Variants in NFIA observed in about 807,000 individuals in gnomAD.
NFIA encodes the protein nuclear factor 1 A-type.
A neutral mutation model predicts 62.8 loss-of-function variants in NFIA; 8 were observed. That is an observed-to-expected ratio of 0.13 (90% CI 0.07 to 0.23). The LOEUF (loss-of-function observed/expected upper bound fraction) is 0.23. NFIA is among the 10% of genes least tolerant of loss of function. The pLI is 1.00. For synonymous variants in NFIA, 235 were observed against 238.1 expected, an observed-to-expected ratio of 0.99 and a Z score of 0.12; for missense variants, 410 against 642.1, an observed-to-expected ratio of 0.64 and a Z score of 3.91.
intron 3 of NFIA, among the ~76,000 whole-genome samples, chr1:61,303,434 G>C (rs957812286): frequency 3.3e-5 from 5 of 152,164 alleles, no homozygotes; most frequent in African/African-American, 1.2e-4. Flanking sequence ...GAAAGAAAGA[G>C]GAATAGGGAG....
intron 3 of NFIA, among the ~76,000 whole-genome samples, chr1:61,298,367 AAAAT>A (rs1659307218): frequency 1.3e-5 from 2 of 152,138 alleles, no homozygotes; most frequent in Admixed American, 6.6e-5. Flanking sequence ...AAAAATAAAT[AAAAT>A]AAGTTACCCA....
intron 2 of NFIA, among the ~76,000 whole-genome samples, chr1:61,250,355 T>C (rs1020129418): frequency 6.6e-6 from 1 of 152,214 alleles, no homozygotes. Flanking sequence ...TCACTTTAGA[T>C]TGGAAGACCT....
At chr1:61,149,023 C>T (rs992525270) in intron 2 of NFIA, among the ~76,000 whole-genome samples, 1 of 150,886 alleles carries the variant, frequency 6.6e-6, no homozygotes, top group African/African-American at 2.4e-5. Context: ...GCCACCATGC[C>T]TGGTTAATTT....
chr1:61,442,104 C>G (rs1173771714), intron 10 of NFIA, among the ~76,000 whole-genome samples: 2 of 152,150 alleles, frequency 1.3e-5, no homozygotes, highest in African/African-American at 4.8e-5. Context: ...TGGCTGCTTG[C>G]TTTGAGTCAG....
At chr1:61,118,074 A>C (rs943348802) in intron 2 of NFIA, among the ~76,000 whole-genome samples, 1 of 151,850 alleles carries the variant, frequency 6.6e-6, no homozygotes, top group Non-Finnish European at 1.5e-5. Context: ...GATCCCAGCT[A>C]CTCAGGAGGT....
intron 1 of NFIA, among the ~76,000 whole-genome samples, chr1:61,083,886 C>T (rs1646169699): frequency 1.3e-5 from 2 of 152,144 alleles, no homozygotes; most frequent in Non-Finnish European, 1.5e-5. Context: ...ACCGCCTCTC[C>T]TTTCCGTGCC....
chr1:61,368,013 G>A (rs1241517085), intron 6 of NFIA, among the ~76,000 whole-genome samples: 1 of 152,206 alleles, frequency 6.6e-6, no homozygotes, highest in African/African-American at 2.4e-5. Context: ...CGATGTATAC[G>A]TTTGTCGAAC....
At chr1:61,176,449 A>G (rs952741435) in intron 2 of NFIA, among the ~76,000 whole-genome samples, 3 of 152,190 alleles carry the variant, frequency 2.0e-5, no homozygotes, top group African/African-American at 7.2e-5. Context: ...GTTTTACAGG[A>G]TAGAAATAAA....
intron 2 of NFIA, among the ~76,000 whole-genome samples, chr1:61,231,118 C>T (rs1654646543): frequency 6.6e-6 from 1 of 152,084 alleles, no homozygotes; most frequent in African/African-American, 2.4e-5. Context: ...GTGGCTGGCT[C>T]TTTGTTATTT....
At chr1:61,437,995 G>A in intron 10 of NFIA, among the ~76,000 whole-genome samples, 1 of 152,194 alleles carries the variant, frequency 6.6e-6, no homozygotes. Context: ...GATGGGCACA[G>A]TGGGATCTCT....
At chr1:61,112,145 A>C in intron 2 of NFIA, among the ~76,000 whole-genome samples, 1 of 150,526 alleles carries the variant, frequency 6.6e-6, no homozygotes, top group Non-Finnish European at 1.5e-5. Context: ...TTAAAAAAAA[A>C]CTATGCTCTA....
chr1:61,120,441 C>T (rs1046810917), intron 2 of NFIA, among the ~76,000 whole-genome samples: 1 of 152,070 alleles, frequency 6.6e-6, no homozygotes, highest in Non-Finnish European at 1.5e-5. Context: ...TCAAAATCAA[C>T]GTTTGTTACT....
chr1:61,259,051 CA>C (rs1656598471), intron 2 of NFIA, among the ~76,000 whole-genome samples: 1 of 152,192 alleles, frequency 6.6e-6, no homozygotes, highest in Admixed American at 6.5e-5. Context: ...CTGGTTCCTA[CA>C]AAATTTGCAA....
chr1:61,116,203 G>C (rs1019850846), intron 2 of NFIA, among the ~76,000 whole-genome samples: 1 of 152,162 alleles, frequency 6.6e-6, no homozygotes, highest in Non-Finnish European at 1.5e-5. Context: ...TCAGTTATCA[G>C]TAGAATTGTC....
At chr1:61,187,004 A>G (rs150035362) in intron 2 of NFIA, among the ~76,000 whole-genome samples, 1 of 152,170 alleles carries the variant, frequency 6.6e-6, no homozygotes, top group African/African-American at 2.4e-5. Flanking sequence ...TTCATAATAC[A>G]TGGAAGCCCT....
Position 61,088,087 on chromosome 1 carries a change from A to G in NFIA, c.28-62A>G. The G allele has an allele frequency of 6.7e-7, 1 of 1,495,208 alleles. No homozygotes were observed. Among genetic ancestry groups the G allele is most frequent in the South Asian group, 1.4e-5 (1 of 73,754 alleles). 92.6% of individuals were successfully genotyped at this position (1,495,208 alleles called of 1,614,324 possible). On this transcript the variant is annotated intron_variant, in intron 1 of 10. Coordinates refer to ENST00000403491, the MANE Select transcript of NFIA (RefSeq NM_001134673.4). The surrounding 1 kb of genome is among the most constrained non-coding windows in gnomAD (Gnocchi z 4.5). ...TTTCTTTCTTAAGGTGACCCGCTGAAGAAAAGTTGTTTTCTTTTGTTTTCA... is the reference window on the plus strand; with the variant it reads ...TTTCTTTCTTAAGGTGACCCGCTGAGGAAAAGTTGTTTTCTTTTGTTTTCA...
At chr1:61,451,311 A>G (rs939568865) in intron 10 of NFIA, among the ~76,000 whole-genome samples, 22 of 152,208 alleles carry the variant, frequency 1.4e-4, no homozygotes, top group African/African-American at 4.6e-4. Context: ...TCGTGCTGCA[A>G]TGGTTAAATG....
At chr1:61,166,027 G>A (rs1451649362) in intron 2 of NFIA, among the ~76,000 whole-genome samples, 1 of 152,152 alleles carries the variant, frequency 6.6e-6, no homozygotes, top group African/African-American at 2.4e-5. Flanking sequence ...ATATAGATAT[G>A]AGAACCAGTC....
chr1:61,293,238 T>C (rs1212938486), intron 3 of NFIA, among the ~76,000 whole-genome samples: 1 of 152,208 alleles, frequency 6.6e-6, no homozygotes, highest in African/African-American at 2.4e-5. Context: ...TTTATGTTCT[T>C]GGGAATCTCC....
Sources: allele counts gnomAD v4.1 joint callset (sites outside exome capture counted in the v4.1 genomes callset), GRCh38; gene constraint gnomAD v4.1.1; non-coding constraint Gnocchi (gnomAD v3.1); transcripts MANE v1.5; gene names NCBI Gene and HGNC (gene_info 2026-07-23, HGNC 2026-07-21).